Variants in SNORC observed in about 807,000 individuals in gnomAD.
SNORC encodes the protein secondary ossification center associated regulator of chondrocyte maturation, also known as protein SNORC.
In SNORC, 11 loss-of-function variants were observed where a neutral mutation model predicts 9.7. That is an observed-to-expected ratio of 1.14 (90% confidence interval 0.72 to 1.88). SNORC has a LOEUF of 1.88. SNORC is among the 40% of genes most tolerant of loss of function. The probability of loss-of-function intolerance (pLI) is 0.00; values close to 1 mark genes in which losing one functional copy is unlikely to be tolerated. For synonymous variants in SNORC, 108 were observed against 88.7 expected (o/e 1.22, Z -1.22); for missense variants, 197 against 173.1 (o/e 1.14, Z -0.77).
At chr2:232,874,915 G>A (rs1227901294) in intron 1 of SNORC, among the ~76,000 whole-genome samples, 1 of 152,216 alleles carries the variant, frequency 6.6e-6, no homozygotes, top group Non-Finnish European at 1.5e-5. Context: ...CTGAAATGGG[G>A]ATAAAAGCAG....
At chr2:232,874,968 T>C (rs778339) in intron 1 of SNORC, among the ~76,000 whole-genome samples, 97,479 of 152,094 alleles carry the variant, frequency 0.64, 31,682 homozygotes, top group African/African-American at 0.72. Flanking sequence ...GATGAGGTGT[T>C]GGGACATCCC....
At chr2:232,867,276 C>G (rs1405486869), upstream of SNORC, among the ~76,000 whole-genome samples, 1 of 152,178 alleles carries the variant, frequency 6.6e-6, no homozygotes, top group African/African-American at 2.4e-5. Context: ...TCCTTATTTG[C>G]TAAATCCTAG....
In SNORC at chr2:232,876,172, GGGGGGC is replaced by G; in HGVS notation, c.256+56_256+61del. The G allele has an allele frequency of 7.6e-7, 1 of 1,309,382 alleles. No individual in the cohort carries two copies. Among genetic ancestry groups the G allele is most frequent in the Non-Finnish European group, 1.0e-6 (1 of 975,762 alleles). The allele number at this position is 1,309,382 out of a possible 1,614,324, so 81.1% of individuals were successfully genotyped here. ...GGGAGAGGGAGAAATTAGGAGGGGC[GGGGGGC>G]GGGGGGCGCGGGGAGAAGGGCCGGC... is the stretch of plus-strand genomic sequence containing the variant. On this transcript the variant is annotated intron_variant, in intron 2 of 2. Coordinates refer to ENST00000331342, the Ensembl canonical transcript of SNORC. The surrounding 1 kb of genome is among the most constrained non-coding windows in gnomAD (Gnocchi z 6.8).
chr2:232,867,045 G>A (rs913046628), upstream of SNORC, among the ~76,000 whole-genome samples: 4 of 152,028 alleles, frequency 2.6e-5, no homozygotes, highest in Admixed American at 6.6e-5. Context: ...CTCCCATCTC[G>A]GCCTCCCAAA....
rs765390767 is a variant in SNORC at position 232,876,115 on chromosome 2, G to C, written c.249G>C (p.Gln83His). The change falls in exon 2 of 3, where the codon CAG becomes CAC. Residue 83 changes from glutamine (Q) to histidine (H), a missense_variant. Coordinates refer to ENST00000331342, the Ensembl canonical transcript of SNORC. This position sits in a 1 kb window ranked among gnomAD's most constrained non-coding sequence, Gnocchi z 6.8. ...GCACCGCGCAGGAGCGGCTGGACCA[G>C]GGCGGCGGTACGGGCGGGGCGGGGG... is the stretch of plus-strand genomic sequence containing the variant. 2.0e-6 allele frequency: 3 copies of C among 1,499,986 alleles called. No individual in the cohort carries two copies. In the African/African-American group the frequency reaches 4.3e-5, roughly 22 times the overall value. 92.9% of individuals were successfully genotyped at this position (1,499,986 alleles called of 1,614,324 possible).
At chr2:232,878,221 A>T (rs959540797), downstream of SNORC, 1 of 152,350 alleles carries the variant, frequency 6.6e-6, no homozygotes, top group Admixed American at 6.5e-5. Flanking sequence ...CCTGGCAGAG[A>T]TCGTGGTCCT....
At chr2:232,870,510 CCCTCTCACAGGAGA>C in intron 1 of SNORC, 96 bp downstream of exon 1, 1 of 1,208,798 alleles carries the variant, frequency 8.3e-7, no homozygotes, top group South Asian at 1.4e-5. Flanking sequence ...GGGGAGGAAG[CCCTCTCACAGGAGA>C]TGGGATGACT....
At chr2:232,870,267 T>C, upstream of SNORC, 1 of 1,392,662 alleles carries the variant, frequency 7.2e-7, no homozygotes, top group East Asian at 2.5e-5. Flanking sequence ...TTGATGCCTC[T>C]TTCTCACTGC....
intron 1 of SNORC, among the ~76,000 whole-genome samples, chr2:232,873,781 C>T (rs1691116440): frequency 6.6e-6 from 1 of 152,216 alleles, no homozygotes; most frequent in Non-Finnish European, 1.5e-5. Flanking sequence ...GGCTGCAGAC[C>T]CCTGCCTTTC....
downstream of SNORC, chr2:232,876,634 C>G: frequency 2.9e-6 from 3 of 1,039,882 alleles, no homozygotes; most frequent in Non-Finnish European, 3.5e-6. This position sits in a 1 kb window ranked among gnomAD's most constrained non-coding sequence, Gnocchi z 6.8. Context: ...TGAGCGCGCG[C>G]AGGGCCGCGC....
chr2:232,877,526 T>G (rs769038033), downstream of SNORC: 23 of 207,870 alleles, frequency 1.1e-4, no homozygotes, highest in Non-Finnish European at 1.8e-4. Flanking sequence ...GTGGGAATGT[T>G]GCTGGAGGGC....
At chr2:232,878,385 C>T (rs545692669), downstream of SNORC, 140 of 159,380 alleles carry the variant, frequency 8.8e-4, 2 homozygotes, top group African/African-American at 3.0e-3. Context: ...CCTGTAGGGC[C>T]CCCCCCACCA....
At chr2:232,874,331 C>G (rs1202531299) in intron 1 of SNORC, among the ~76,000 whole-genome samples, 1 of 152,164 alleles carries the variant, frequency 6.6e-6, no homozygotes, top group Non-Finnish European at 1.5e-5. Context: ...CTTAACACAC[C>G]AGAGTCAGCT....
chr2:232,869,988 A>C (rs1690959622), upstream of SNORC, among the ~76,000 whole-genome samples: 1 of 152,212 alleles, frequency 6.6e-6, no homozygotes, highest in South Asian at 2.1e-4. Flanking sequence ...ATTCTTTTGC[A>C]CAAGAAAGCT....
rs555262523 is a variant in SNORC, at chr2:232,876,106, G to A, written c.240G>A (p.Arg80=). ...CCGAGGACAGCACCGCGCAGGAGCG[G>A]CTGGACCAGGGCGGCGGTACGGGCG... Residue 80 remains arginine, a synonymous_variant, in exon 2 of 3, where the codon CGG becomes CGA. Transcript: ENST00000331342. This position sits in a 1 kb window ranked among gnomAD's most constrained non-coding sequence, Gnocchi z 6.8. The A allele has an allele frequency of 2.9e-4, 437 of 1,505,976 alleles. No individual in the cohort carries two copies. The highest frequency in any genetic ancestry group is 3.7e-4 in the Non-Finnish European group (416 of 1,134,730). 93.3% of individuals were successfully genotyped at this position (1,505,976 alleles called of 1,614,324 possible).
intron 1 of SNORC, among the ~76,000 whole-genome samples, chr2:232,870,645 G>A (rs1690993405): frequency 6.6e-6 from 1 of 152,152 alleles, no homozygotes; most frequent in South Asian, 2.1e-4. Context: ...TGGAGAAGGA[G>A]GACAACTTGG....
upstream of SNORC, chr2:232,870,267 TTTC>T (rs1218776642): frequency 1.4e-5 from 19 of 1,392,544 alleles, no homozygotes; most frequent in Admixed American, 3.9e-5. Context: ...TTGATGCCTC[TTTC>T]TCACTGCCCT....
upstream of SNORC, among the ~76,000 whole-genome samples, chr2:232,866,793 A>T (rs1690888053): frequency 6.6e-6 from 1 of 152,178 alleles, no homozygotes; most frequent in Admixed American, 6.5e-5. Flanking sequence ...AGCTCACTGC[A>T]ACCTCTGCCT....
At chr2:232,873,622 G>A (rs1173901747) in intron 1 of SNORC, among the ~76,000 whole-genome samples, 3 of 152,164 alleles carry the variant, frequency 2.0e-5, no homozygotes, top group African/African-American at 4.8e-5. Flanking sequence ...TGTGTCATTT[G>A]TCCATTTCTT....
Sources: allele counts gnomAD v4.1 joint callset (sites outside exome capture counted in the v4.1 genomes callset), GRCh38; gene constraint gnomAD v4.1.1; non-coding constraint Gnocchi (gnomAD v3.1); transcripts MANE v1.5; gene names NCBI Gene and HGNC (gene_info 2026-07-23, HGNC 2026-07-21).